TBC1D15: variants seen among roughly 807,000 people sequenced by gnomAD.
TBC1D15 encodes the protein TBC1 domain family member 15, also known as GAP for RAB7.
A neutral mutation model predicts 95.4 loss-of-function variants in TBC1D15; 39 were observed. That is an observed-to-expected ratio of 0.41 (90% CI 0.32 to 0.53). The LOEUF (loss-of-function observed/expected upper bound fraction) is 0.53. Ranked by LOEUF, TBC1D15 falls within the 20% of genes least tolerant of loss-of-function variation. The pLI, the probability that TBC1D15 is intolerant of heterozygous loss-of-function variation, is 0.29. For missense variants in TBC1D15, 733 were observed against 794.3 expected, an observed-to-expected ratio of 0.92 and a Z score of 0.93; for synonymous variants, 258 against 261.3, an observed-to-expected ratio of 0.99 and a Z score of 0.12.
chr12:71,915,591 G>A (rs1903521716), intron 12 of TBC1D15, among the ~76,000 whole-genome samples: 1 of 151,980 alleles, frequency 6.6e-6, no homozygotes, highest in African/African-American at 2.4e-5. Flanking sequence ...ACAGACGTGT[G>A]TATATAGGTC....
At chr12:71,868,259 T>C (rs1052896375) in intron 1 of TBC1D15, among the ~76,000 whole-genome samples, 11 of 151,170 alleles carry the variant, frequency 7.3e-5, no homozygotes, top group South Asian at 4.2e-4. Context: ...TTTTTTTTTT[T>C]TCTCGAGACG....
intron 8 of TBC1D15, chr12:71,896,434 GTCTGCTGTAGTCTACTGTATT>G (rs144178669): frequency 0.097 from 45,237 of 465,130 alleles, 2,311 homozygotes; most frequent in African/African-American, 0.16. Context: ...CACACTGTCT[GTCTGCTGTAGTCTACTGTATT>G]CTGTAGTCTA....
chr12:71,896,497 C>A, intron 8 of TBC1D15, 180 bp from the exon 9 acceptor site: 1 of 596,220 alleles, frequency 1.7e-6, no homozygotes, highest in South Asian at 2.2e-5. Flanking sequence ...AACTTTCTGG[C>A]AGCTGCTTAC....
At chr12:71,892,910 C>T (rs1219483666) in intron 5 of TBC1D15, among the ~76,000 whole-genome samples, 2 of 151,586 alleles carry the variant, frequency 1.3e-5, no homozygotes, top group South Asian at 2.1e-4. Context: ...TACTATAATT[C>T]TAGAGAAGAA....
At chr12:71,904,913 G>C (rs952553436) in intron 10 of TBC1D15, among the ~76,000 whole-genome samples, 3 of 152,194 alleles carry the variant, frequency 2.0e-5, no homozygotes, top group African/African-American at 7.2e-5. Context: ...GGACCCACTT[G>C]ATGTTAGTGA....
intron 10 of TBC1D15, among the ~76,000 whole-genome samples, chr12:71,903,063 C>T (rs1016655312): frequency 6.6e-6 from 1 of 152,118 alleles, no homozygotes; most frequent in Non-Finnish European, 1.5e-5. Flanking sequence ...AGGTGCCCAC[C>T]ACCACGGCAG....
rs1870375485 is a variant in TBC1D15 at position 71,924,146 on chromosome 12, A to G, written c.*942A>G. 6.6e-6 allele frequency: 1 copy of G among 152,604 alleles called. No individual in the cohort carries two copies. Among genetic ancestry groups the G allele is most frequent in the South Asian group, 2.1e-4 (1 of 4,830 alleles). The allele number at this position is 152,604 out of a possible 1,614,324, so 9.5% of individuals were successfully genotyped here. On this transcript the variant is annotated 3_prime_UTR_variant, in exon 17 of 17. Transcript: ENST00000485960. Reference sequence around the variant, plus strand: ...AAAAGTTTATTTGAAAAATTTCTAGATGGTCTCATGAGTTTCAAAATAATA... The same window carrying G: ...AAAAGTTTATTTGAAAAATTTCTAGGTGGTCTCATGAGTTTCAAAATAATA...
At chr12:71,859,407 T>C (rs560864735) in intron 1 of TBC1D15, among the ~76,000 whole-genome samples, 1 of 152,256 alleles carries the variant, frequency 6.6e-6, no homozygotes, top group East Asian at 1.9e-4. Context: ...GTATCTTCAT[T>C]TTGTTGCTTG....
At chr12:71,849,721 G>T in intron 1 of TBC1D15, 1 of 549,844 alleles carries the variant, frequency 1.8e-6, no homozygotes, top group South Asian at 1.6e-5. Flanking sequence ...TCAAAGACTC[G>T]GGGGTCACTC....
rs530439768 is a variant in TBC1D15 at position 71,918,410 on chromosome 12, C to T, written c.1502-41C>T. 180 of 1,260,484 alleles carry T rather than the reference C, an allele frequency of 1.4e-4. No homozygotes were observed. The East Asian group carries it at 3.2e-3, about 22-fold the overall frequency. The allele number at this position is 1,260,484 out of a possible 1,614,324, so 78.1% of individuals were successfully genotyped here. On this transcript the variant is annotated intron_variant, in intron 13 of 16. Coordinates refer to ENST00000485960, the MANE Select transcript of TBC1D15 (RefSeq NM_001146213.3). ...AGTAACTGTATTCTGACATAATTAG[C>T]ATAAGAGTAAGTCATATGTGTGTTT...
chr12:71,849,265 T>C, intron 1 of TBC1D15: 1 of 730,800 alleles, frequency 1.4e-6, no homozygotes. Flanking sequence ...GTGCATCAGG[T>C]CTGAGACTGT....
chr12:71,889,517 T>A (rs1459458538), intron 5 of TBC1D15, among the ~76,000 whole-genome samples: 1 of 151,574 alleles, frequency 6.6e-6, no homozygotes, highest in Non-Finnish European at 1.5e-5. Context: ...TTTTATAGAC[T>A]CCAAGTAGTA....
intron 1 of TBC1D15, among the ~76,000 whole-genome samples, chr12:71,846,064 C>G (rs926909291): frequency 8.5e-5 from 13 of 152,108 alleles, no homozygotes; most frequent in African/African-American, 3.1e-4. Flanking sequence ...TTGAATTTAT[C>G]TGTTTTTCTG....
intron 14 of TBC1D15, among the ~76,000 whole-genome samples, 166 bp downstream of exon 14, chr12:71,918,714 G>T (rs1868271876): frequency 6.6e-6 from 1 of 152,142 alleles, no homozygotes. Flanking sequence ...GTTTCACACT[G>T]AATATTTGGT....
Position 71,907,039 on chromosome 12 carries a change from A to G in TBC1D15, c.1201A>G (p.Thr401Ala). The change falls in exon 11 of 17, where the codon ACA (threonine) becomes GCA (alanine). Residue 401 changes from threonine to alanine, a missense_variant. By Grantham distance (58) the Thr-to-Ala change is moderately conservative (BLOSUM62 0). Transcript: ENST00000485960. ...CTCTTCAGAAAAAGATGTTAACAGA[A>G]CAGATCGAACAAACAAGTTTTATGA... is the stretch of plus-strand genomic sequence containing the variant. ...RSLIEKDVNR[T>A]DRTNKFYEGQ... The G allele has an allele frequency of 6.2e-7, 1 of 1,607,368 alleles. No individual in the cohort carries two copies. Among genetic ancestry groups the G allele is most frequent in the Non-Finnish European group, 8.5e-7 (1 of 1,177,546 alleles).
intron 1 of TBC1D15, among the ~76,000 whole-genome samples, chr12:71,844,424 T>C (rs993338954): frequency 7.2e-5 from 11 of 152,234 alleles, no homozygotes; most frequent in African/African-American, 2.7e-4. Context: ...CTGTATAAAA[T>C]ATATCCTCTG....
rs570001913 is a variant in TBC1D15, at chr12:71,918,694, T to C, written c.1599+146T>C. The C allele has an allele frequency of 1.1e-5, 6 of 526,966 alleles. No individual in the cohort carries two copies. In the East Asian group the frequency reaches 1.7e-4, roughly 15 times the overall value. The allele number at this position is 526,966 out of a possible 1,614,324, so 32.6% of individuals were successfully genotyped here. A position where few individuals can be genotyped will look rare whatever the true frequency, so the allele number is the denominator to read the frequency against. On this transcript the variant is annotated intron_variant, in intron 14 of 16. Coordinates refer to ENST00000485960, the MANE Select transcript of TBC1D15 (RefSeq NM_001146213.3). ...ATTCTGATGAACTGGTAGCCTCTTC[T>C]TAAAAATTAGTTTCACACTGAATAT...
intron 10 of TBC1D15, among the ~76,000 whole-genome samples, chr12:71,902,667 G>A (rs1250279097): frequency 6.6e-6 from 1 of 152,060 alleles, no homozygotes; most frequent in African/African-American, 2.4e-5. Flanking sequence ...TATCGACCCA[G>A]GCAAAGACTT....
At chr12:71,881,504 T>A (rs1228524988) in intron 4 of TBC1D15, among the ~76,000 whole-genome samples, 4 of 152,264 alleles carry the variant, frequency 2.6e-5, no homozygotes, top group African/African-American at 9.6e-5. Flanking sequence ...TTTTAGAAGG[T>A]CTTCAGATGA....
Sources: allele counts gnomAD v4.1 joint callset (sites outside exome capture counted in the v4.1 genomes callset), GRCh38; gene constraint gnomAD v4.1.1; transcripts MANE v1.5; gene names NCBI Gene and HGNC (gene_info 2026-07-23, HGNC 2026-07-21).